Variants in FCHO2 observed in about 807,000 individuals in gnomAD.
FCHO2 encodes FCH and mu domain containing endocytic adaptor 2.
Under a neutral mutation model 114.1 loss-of-function variants are expected in FCHO2, and 43 were observed. The observed-to-expected ratio is 0.38, with a 90% CI of 0.30 to 0.49. FCHO2 has a LOEUF of 0.49. Among genes scored for constraint, FCHO2 ranks in the 20% least tolerant of loss-of-function variants. The pLI, the probability that FCHO2 is intolerant of heterozygous loss-of-function variation, is 0.97. For synonymous variants in FCHO2, 293 were observed against 315.2 expected (o/e 0.93, Z 0.75); for missense variants, 807 against 950.4 (o/e 0.85, Z 1.98).
rs1305021865 is a variant in FCHO2 at position 73,021,255 on chromosome 5, G to T, written c.796+3947G>T. On this transcript the variant is annotated intron_variant, in intron 8 of 25. Transcript: ENST00000430046. Reference sequence around the variant, plus strand: ...ATCTCCTCAAGCTCTTCATCCCACAGTAACATGGAGGGCTGAGAACCCATC... The same window carrying T: ...ATCTCCTCAAGCTCTTCATCCCACATTAACATGGAGGGCTGAGAACCCATC... 12 of 601,380 alleles carry T rather than the reference G, an allele frequency of 2.0e-5. No homozygotes were observed. The Admixed American group carries it at 2.2e-4, about 11-fold the overall frequency. 37.3% of individuals were successfully genotyped at this position (601,380 alleles called of 1,614,324 possible). A position where few individuals can be genotyped will look rare whatever the true frequency, so the allele number is the denominator to read the frequency against.
chr5:72,987,294 T>C (rs1007798287), intron 2 of FCHO2, among the ~76,000 whole-genome samples: 3 of 152,228 alleles, frequency 2.0e-5, no homozygotes, highest in Non-Finnish European at 4.4e-5. Flanking sequence ...AAAAAATATA[T>C]AGATTTTGGA....
intron 8 of FCHO2, among the ~76,000 whole-genome samples, chr5:73,018,523 CTTTTTTT>C (rs70973220): frequency 7.6e-6 from 1 of 132,112 alleles, no homozygotes; most frequent in South Asian, 2.5e-4. Context: ...TAACTTTCTT[CTTTTTTT>C]TTTTTTTTGT....
At chr5:73,026,632 G>A (rs1182394658) in intron 8 of FCHO2, among the ~76,000 whole-genome samples, 6 of 151,814 alleles carry the variant, frequency 4.0e-5, no homozygotes, top group African/African-American at 1.2e-4. Context: ...TTTCTAACTC[G>A]TTATGATAAT....
At chr5:72,971,486 G>T (rs910629224) in intron 2 of FCHO2, among the ~76,000 whole-genome samples, 1 of 152,196 alleles carries the variant, frequency 6.6e-6, no homozygotes, top group African/African-American at 2.4e-5. Context: ...TTTTTTGGCT[G>T]CATAAATGTC....
At chr5:72,988,392 T>C (rs258889) in intron 2 of FCHO2, among the ~76,000 whole-genome samples, 118,963 of 151,966 alleles carry the variant, frequency 0.78, 47,446 homozygotes, top group Non-Finnish European at 0.86. Flanking sequence ...GAGCCAAGAT[T>C]GCACCACTGT....
rs539370747 is a variant in FCHO2 at position 73,001,910 on chromosome 5, A to G, written c.496-4535A>G. Reference sequence around the variant, plus strand: ...GACAGAGTGATACCCTGTCTCAAAAAAAAAAAAAAAGAGCTGATTGAAAAA... The same window carrying G: ...GACAGAGTGATACCCTGTCTCAAAAGAAAAAAAAAAGAGCTGATTGAAAAA... On this transcript the variant is annotated intron_variant, in intron 5 of 25. Coordinates refer to ENST00000430046, the MANE Select transcript of FCHO2 (RefSeq NM_138782.3). 3.9e-4 allele frequency among the ~76,000 whole-genome samples: 60 copies of G among 152,112 alleles called. 1 individual carries two copies. Among genetic ancestry groups the G allele is most frequent in the Middle Eastern group, 6.8e-3 (2 of 292 alleles).
intron 6 of FCHO2, among the ~76,000 whole-genome samples, chr5:73,007,189 C>G (rs150443158): frequency 6.6e-6 from 1 of 152,142 alleles, no homozygotes; most frequent in African/African-American, 2.4e-5. Flanking sequence ...TGTGGTGACA[C>G]AAGGCCCCAG....
chr5:73,033,457 TAATC>T (rs922482704), intron 8 of FCHO2, among the ~76,000 whole-genome samples: 9 of 152,148 alleles, frequency 5.9e-5, no homozygotes, highest in South Asian at 2.1e-4. Flanking sequence ...TCTTTCTTGT[TAATC>T]AATCAGTGGC....
rs376243374 is a variant in FCHO2 at position 73,053,260 on chromosome 5, T to C, written c.1173+753T>C. On this transcript the variant is annotated intron_variant, in intron 13 of 25. Coordinates refer to ENST00000430046, the MANE Select transcript of FCHO2 (RefSeq NM_138782.3). ...ACATGTATTTGTTTGGAAAAAAAGGTGGTTTTCTCCCAGTCATGTACTTCA... is the reference window on the plus strand; with the variant it reads ...ACATGTATTTGTTTGGAAAAAAAGGCGGTTTTCTCCCAGTCATGTACTTCA... 6.6e-3 allele frequency among the ~76,000 whole-genome samples: 1,000 copies of C among 152,304 alleles called. 11 individuals are homozygous for C. Among genetic ancestry groups the C allele is most frequent in the African/African-American group, 0.023 (961 of 41,562 alleles).
At chr5:73,043,953 G>A (rs1243615010) in intron 11 of FCHO2, among the ~76,000 whole-genome samples, 2 of 152,142 alleles carry the variant, frequency 1.3e-5, no homozygotes, top group East Asian at 1.9e-4. Flanking sequence ...GTAATCCCCA[G>A]TGTTGGAGGA....
intron 2 of FCHO2, among the ~76,000 whole-genome samples, chr5:72,973,099 T>A (rs933218028): frequency 3.3e-5 from 5 of 152,166 alleles, no homozygotes; most frequent in African/African-American, 1.2e-4. Context: ...CTGGATTCGG[T>A]TTGCCAGTAT....
At chr5:72,967,530 G>C (rs1752268335) in intron 1 of FCHO2, among the ~76,000 whole-genome samples, 2 of 152,316 alleles carry the variant, frequency 1.3e-5, no homozygotes, top group South Asian at 4.1e-4. Context: ...GTGTGTTAAA[G>C]AGATTGAAAT....
At chr5:73,079,679 A>G (rs1303089491) in intron 22 of FCHO2, among the ~76,000 whole-genome samples, 1 of 152,244 alleles carries the variant, frequency 6.6e-6, no homozygotes, top group African/African-American at 2.4e-5. Flanking sequence ...TCTATAAACT[A>G]TGCAGGTCCA....
chr5:73,068,730 T>G lies in FCHO2; in HGVS notation c.1530T>G (p.Ser510=). ...CATTAGCCCGGGCAGAAAGTTCTTC[T>G]TCTATCTCATCATCTGCTTCATTGA... is the stretch of plus-strand genomic sequence containing the variant. The part of the protein sequence containing the change: ...AAPLARAESS[S]SISSSASLSA... The change falls in exon 19 of 26, where the codon TCT becomes TCG. Residue 510 remains serine, a synonymous_variant. Coordinates refer to ENST00000430046, the MANE Select transcript of FCHO2 (RefSeq NM_138782.3). 4.3e-6 allele frequency: 7 copies of G among 1,612,468 alleles called. No homozygotes were observed. The highest frequency in any genetic ancestry group is 5.9e-6 in the Non-Finnish European group (7 of 1,178,962).
chr5:72,981,531 A>C (rs201081765), intron 2 of FCHO2, among the ~76,000 whole-genome samples: 1 of 152,166 alleles, frequency 6.6e-6, no homozygotes, highest in African/African-American at 2.4e-5. Flanking sequence ...TGATATCCTG[A>C]AGAGTGTTTT....
At chr5:73,006,653 C>T (rs1754737004) in intron 6 of FCHO2, 104 bp downstream of exon 6, 2 of 709,264 alleles carry the variant, frequency 2.8e-6, no homozygotes, top group Non-Finnish European at 4.2e-6. Flanking sequence ...TTTTAAAATG[C>T]ACAATCTCAA....
chr5:73,004,047 CAAAAAA>C (rs34849736), intron 5 of FCHO2, among the ~76,000 whole-genome samples: 1 of 26,498 alleles, frequency 3.8e-5, no homozygotes, highest in Non-Finnish European at 7.0e-5. Context: ...GACTCCATCT[CAAAAAA>C]AAAAAAAAAA....
chr5:73,017,000 G>T (rs148840402), intron 7 of FCHO2, among the ~76,000 whole-genome samples: 50 of 152,250 alleles, frequency 3.3e-4, no homozygotes, highest in Admixed American at 1.7e-3. Context: ...TTCTAGGGGC[G>T]TGAGGCTATG....
intron 12 of FCHO2, among the ~76,000 whole-genome samples, chr5:73,051,986 C>T (rs1198550528): frequency 3.9e-5 from 6 of 152,040 alleles, no homozygotes; most frequent in Non-Finnish European, 8.8e-5. Flanking sequence ...TGCAGTGGTG[C>T]GATCTCGGCT....
Sources: allele counts gnomAD v4.1 joint callset (sites outside exome capture counted in the v4.1 genomes callset), GRCh38; gene constraint gnomAD v4.1.1; transcripts MANE v1.5; gene names NCBI Gene and HGNC (gene_info 2026-07-23, HGNC 2026-07-21).